KDR: variants seen among roughly 807,000 people sequenced by gnomAD.
KDR encodes vascular endothelial growth factor receptor 2.
In KDR, 43 loss-of-function variants were observed where a neutral mutation model predicts 160.9. The ratio of observed to expected loss-of-function variants is 0.27; its 90% confidence interval spans 0.21 to 0.34. The LOEUF (loss-of-function observed/expected upper bound fraction) is 0.34. Among genes scored for constraint, KDR ranks in the 10% least tolerant of loss-of-function variants. The probability of loss-of-function intolerance (pLI) is 1.00; values close to 1 mark genes in which losing one functional copy is unlikely to be tolerated. For missense variants in KDR, 1,469 were observed against 1,666.4 expected (o/e 0.88, Z 2.06); for synonymous variants, 617 against 600.1 (o/e 1.03, Z -0.41).
In KDR at chr4:55,102,643, T is replaced by C. The variant is rs534425498; in HGVS notation, c.1988-135A>G. 12 of 869,048 alleles carry C rather than the reference T, an allele frequency of 1.4e-5. No homozygotes were observed. The Admixed American group carries it at 2.5e-4, about 18-fold the overall frequency. 53.8% of individuals were successfully genotyped at this position (869,048 alleles called of 1,614,324 possible). A position where few individuals can be genotyped will look rare whatever the true frequency, so the allele number is the denominator to read the frequency against. On this transcript the variant is annotated intron_variant, in intron 13 of 29. Coordinates refer to ENST00000263923, the MANE Select transcript of KDR (RefSeq NM_002253.4). ...TATATTAACTTCTGGGAAAATACAC[T>C]GGTCACTGGGTAAAGTTAAATGAAA...
intron 18 of KDR, chr4:55,096,862 G>C (rs904607153): frequency 1.1e-5 from 2 of 180,562 alleles, no homozygotes; most frequent in Admixed American, 5.4e-5. Context: ...CTATGTGTTT[G>C]ATCCTGTATG....
Position 55,113,420 on chromosome 4 carries a change from T to C in KDR, c.860A>G (p.Lys287Arg). 2 of 1,613,994 alleles carry C rather than the reference T, an allele frequency of 1.2e-6. 1 individual carries two copies. Among genetic ancestry groups the C allele is most frequent in the Middle Eastern group, 3.3e-4 (2 of 6,060 alleles). Residue 287 changes from lysine to arginine, a missense_variant, in exon 7 of 30, where the codon AAA becomes AGA. Physicochemically the swap from Lys to Arg is conservative, Grantham distance 26. Coordinates refer to ENST00000263923, the MANE Select transcript of KDR (RefSeq NM_002253.4). ...ATCTATAGTTAAGGTGCTCAAAAAT[T>C]TCTTCATCTCACTCCCAGACTGGGT... The part of the protein sequence containing the change: ...LKTQSGSEMK[K>R]FLSTLTIDGV...
At chr4:55,119,386 G>A (rs1173397034) in intron 2 of KDR, among the ~76,000 whole-genome samples, 1 of 152,196 alleles carries the variant, frequency 6.6e-6, no homozygotes, top group Admixed American at 6.5e-5. Context: ...AAGGACTAGA[G>A]AAAGAGCAGT....
At chr4:55,084,613 A>C (rs192482024) in intron 27 of KDR, among the ~76,000 whole-genome samples, 2 of 152,306 alleles carry the variant, frequency 1.3e-5, no homozygotes, top group African/African-American at 4.8e-5. Flanking sequence ...GAGGGAGTCA[A>C]GGATTAGGGA....
At chr4:55,095,452 A>G in intron 20 of KDR, 125 bp downstream of exon 20, 1 of 727,546 alleles carries the variant, frequency 1.4e-6, no homozygotes, top group Non-Finnish European at 2.5e-6. Context: ...ACAACAGCCA[A>G]GAGGTAATAT....
chr4:55,090,849 CTTTTTT>C (rs61138010), intron 22 of KDR, among the ~76,000 whole-genome samples: 4 of 84,110 alleles, frequency 4.8e-5, no homozygotes, highest in Non-Finnish European at 6.5e-5. Flanking sequence ...TAGAAGAAAA[CTTTTTT>C]TTTTTTTTTT....
Position 55,079,781 on chromosome 4 carries a change from A to G in KDR, c.*160T>C, listed in dbSNP as rs1170748656. On this transcript the variant is annotated 3_prime_UTR_variant, in exon 30 of 30. Coordinates refer to ENST00000263923, the MANE Select transcript of KDR (RefSeq NM_002253.4). ...TTGGGTCACAAGCCTCTTCCAGGAT[A>G]TGCCTAGAAGACTGGCTCCCTGCAG... The G allele has an allele frequency of 2.9e-6, 2 of 683,552 alleles. No homozygotes were observed. The highest frequency in any genetic ancestry group is 3.5e-5 in the African/African-American group (2 of 56,636). The allele number at this position is 683,552 out of a possible 1,614,324, so 42.3% of individuals were successfully genotyped here.
Position 55,079,162 on chromosome 4 carries a change from G to C in KDR, c.*779C>G, listed in dbSNP as rs887941074. ...TTTCTTTGTGGTATTCTGAATAAAG[G>C]ATCAGCCTGGGAGACAAGGAGCCAG... On this transcript the variant is annotated 3_prime_UTR_variant, in exon 30 of 30. Coordinates refer to ENST00000263923, the MANE Select transcript of KDR (RefSeq NM_002253.4). 13 of 233,272 alleles carry C rather than the reference G, an allele frequency of 5.6e-5. No individual in the cohort carries two copies. The highest frequency in any genetic ancestry group is 2.9e-4 in the African/African-American group (13 of 45,300). 14.5% of individuals were successfully genotyped at this position (233,272 alleles called of 1,614,324 possible). A position where few individuals can be genotyped will look rare whatever the true frequency, so the allele number is the denominator to read the frequency against.
At chr4:55,088,065 A>G (rs932381942) in intron 26 of KDR, among the ~76,000 whole-genome samples, 3 of 152,192 alleles carry the variant, frequency 2.0e-5, no homozygotes, top group Non-Finnish European at 4.4e-5. Flanking sequence ...GCTACATAGA[A>G]CAAAAAATCA....
At chr4:55,118,319 G>A (rs1020046151) in intron 3 of KDR, among the ~76,000 whole-genome samples, 1 of 152,064 alleles carries the variant, frequency 6.6e-6, no homozygotes, top group African/African-American at 2.4e-5. Context: ...TCAAACATAG[G>A]AAGACTTTTT....
At chr4:55,091,228 T>C (rs1033813812) in intron 22 of KDR, among the ~76,000 whole-genome samples, 1 of 152,196 alleles carries the variant, frequency 6.6e-6, no homozygotes, top group Non-Finnish European at 1.5e-5. Context: ...ACCTCAAATC[T>C]GTATGGCACT....
chr4:55,080,496 T>A (rs148552812), intron 29 of KDR, among the ~76,000 whole-genome samples: 359 of 152,302 alleles, frequency 2.4e-3, no homozygotes, highest in Middle Eastern at 0.014. Flanking sequence ...TTGTATACAG[T>A]GACAGGCGCC....
chr4:55,120,571 C>T lies in KDR; in HGVS notation c.161+526G>A, dbSNP rs571938589. Among the ~76,000 whole-genome samples the T allele has an allele frequency of 5.8e-4, 88 of 152,032 alleles. 1 individual carries two copies. The highest frequency in any genetic ancestry group is 1.0e-3 in the Non-Finnish European group (70 of 68,006). ...CCATTATTTATGTAGATCATGCGCTCAGTAATATTACCCACTAAATATTAA... is the reference window on the plus strand; with the variant it reads ...CCATTATTTATGTAGATCATGCGCTTAGTAATATTACCCACTAAATATTAA... On this transcript the variant is annotated intron_variant, in intron 2 of 29. Coordinates refer to ENST00000263923, the MANE Select transcript of KDR (RefSeq NM_002253.4).
At chr4:55,081,167 C>A (rs1719726836) in intron 29 of KDR, among the ~76,000 whole-genome samples, 1 of 152,120 alleles carries the variant, frequency 6.6e-6, no homozygotes, top group Non-Finnish European at 1.5e-5. Flanking sequence ...AGCACAATGG[C>A]ACCTTTTAAT....
At chr4:55,092,845 T>C (rs1720053065) in intron 21 of KDR, 131 bp from the exon 22 acceptor site, 2 of 702,306 alleles carry the variant, frequency 2.8e-6, no homozygotes, top group Middle Eastern at 2.7e-4. Flanking sequence ...AGAGAGTCAA[T>C]GCTTCTATCT....
At chr4:55,122,329 T>C (rs1328824528) in intron 1 of KDR, among the ~76,000 whole-genome samples, 1 of 152,148 alleles carries the variant, frequency 6.6e-6, no homozygotes, top group East Asian at 1.9e-4. Context: ...TATCAAGACC[T>C]AGAAAATACC....
In KDR at chr4:55,125,213, A is replaced by G. The variant is rs1038659265; in HGVS notation, c.67+14T>C. On this transcript the variant is annotated intron_variant, in intron 1 of 29. Coordinates refer to ENST00000263923, the MANE Select transcript of KDR (RefSeq NM_002253.4). The stretch of plus-strand genomic sequence containing the variant: ...CGACCTGTCTGCCTTCCTCCTCCAG[A>G]GTGGGCTCCTTACCCACAGAGGCGG... The G allele has an allele frequency of 1.9e-6, 3 of 1,610,470 alleles. No homozygotes were observed. The highest frequency in any genetic ancestry group is 2.5e-6 in the Non-Finnish European group (3 of 1,178,606).
At chr4:55,120,934 A>C (rs1202211542) in intron 2 of KDR, among the ~76,000 whole-genome samples, 163 bp downstream of exon 2, 2 of 151,872 alleles carry the variant, frequency 1.3e-5, no homozygotes, top group Non-Finnish European at 2.9e-5. Context: ...TTTGAGAGAA[A>C]ATTCTTCTCA....
chr4:55,117,148 A>G (rs1373031784), intron 3 of KDR, among the ~76,000 whole-genome samples: 1 of 152,204 alleles, frequency 6.6e-6, no homozygotes, highest in African/African-American at 2.4e-5. Context: ...TAGTAAATCA[A>G]TTCTATTTCG....
Sources: gnomAD v4.1 joint callset for allele counts (sites outside exome capture counted in the v4.1 genomes callset) on GRCh38, gnomAD v4.1.1 for gene constraint, MANE v1.5 for transcripts, NCBI Gene and HGNC (gene_info 2026-07-23, HGNC 2026-07-21) for gene names.